The following MTMR2 variants were observed in gnomAD, a reference collection of about 807,000 sequenced individuals.
The protein encoded by MTMR2 is myotubularin related protein 2.
MTMR2 carries 55 observed loss-of-function variants against 86.9 expected under a neutral mutation model. The ratio of observed to expected loss-of-function variants is 0.63; its 90% CI spans 0.51 to 0.79. The LOEUF (loss-of-function observed/expected upper bound fraction) is 0.79. MTMR2 is among the 30% of genes least tolerant of loss of function. MTMR2 has a pLI of 0.00. For missense variants in MTMR2, 659 were observed against 772.3 expected, an observed-to-expected ratio of 0.85 and a Z score of 1.74; for synonymous variants, 241 against 266.8, an observed-to-expected ratio of 0.90 and a Z score of 0.94.
intron 1 of MTMR2, among the ~76,000 whole-genome samples, chr11:95,923,512 G>T (rs879909540): frequency 1.4e-4 from 21 of 151,812 alleles, no homozygotes; most frequent in Admixed American, 2.6e-4. Context: ...TGGAAAAAGT[G>T]ACAGAGAAAG....
intron 2 of MTMR2, among the ~76,000 whole-genome samples, chr11:95,877,845 C>T (rs922247801): frequency 2.0e-5 from 3 of 151,916 alleles, no homozygotes; most frequent in Admixed American, 6.6e-5. Flanking sequence ...TGGCAGGTGC[C>T]AACCCTGCTA....
intron 1 of MTMR2, among the ~76,000 whole-genome samples, chr11:95,906,194 C>T (rs1170643173): frequency 6.6e-6 from 1 of 152,196 alleles, no homozygotes; most frequent in African/African-American, 2.4e-5. Flanking sequence ...CATTACACTC[C>T]AGCCTAGGCA....
intron 10 of MTMR2, among the ~76,000 whole-genome samples, chr11:95,846,531 A>G (rs946010314): frequency 5.3e-5 from 8 of 152,180 alleles, no homozygotes; most frequent in African/African-American, 1.9e-4. Flanking sequence ...GAAAGGTGAT[A>G]TTTGAGCAGA....
chr11:95,884,890 A>G (rs1407851841), intron 2 of MTMR2, among the ~76,000 whole-genome samples: 1 of 152,166 alleles, frequency 6.6e-6, no homozygotes, highest in Non-Finnish European at 1.5e-5. Context: ...TTAACAACAT[A>G]CTACTTTTCT....
At chr11:95,861,225 T>TATA (rs1864408118) in intron 5 of MTMR2, among the ~76,000 whole-genome samples, 1 of 151,250 alleles carries the variant, frequency 6.6e-6, no homozygotes, top group Non-Finnish European at 1.5e-5. Context: ...CATATTTAGT[T>TATA]ATTTAGTTCT....
chr11:95,917,816 TG>T (rs1216490608), intron 1 of MTMR2, among the ~76,000 whole-genome samples: 1 of 152,212 alleles, frequency 6.6e-6, no homozygotes, highest in Non-Finnish European at 1.5e-5. Context: ...TTGGTCTTGC[TG>T]TGTCAGGGGT....
At chr11:95,903,307 T>C (rs1866141973) in intron 1 of MTMR2, among the ~76,000 whole-genome samples, 1 of 152,200 alleles carries the variant, frequency 6.6e-6, no homozygotes, top group Non-Finnish European at 1.5e-5. Context: ...CCAGAGTACC[T>C]ATTTCATGTT....
chr11:95,892,687 C>G (rs1353161583), intron 1 of MTMR2, among the ~76,000 whole-genome samples: 1 of 152,204 alleles, frequency 6.6e-6, no homozygotes, highest in South Asian at 2.1e-4. Flanking sequence ...AGTCAACACT[C>G]TGTCGCATAT....
In MTMR2 at chr11:95,850,650, C is replaced by T. The variant is rs1286776088; in HGVS notation, c.754G>A (p.Asp252Asn). 2 of 1,614,120 alleles carry T rather than the reference C, an allele frequency of 1.2e-6. No individual in the cohort carries two copies. Among genetic ancestry groups the T allele is most frequent in the Non-Finnish European group, 1.7e-6 (2 of 1,179,982 alleles). ...GATGCCACTCTCTTTAATTCTTCAT[C>T]AGGAATATTTGCTGGCACAACCAGG... ...ALLVVPANIPDEELKRVASFR... is the reference protein window; with the variant it reads ...ALLVVPANIPNEELKRVASFR... The change falls in exon 8 of 15, where the codon GAT becomes AAT. Residue 252 changes from aspartate (D) to asparagine (N), a missense_variant. Around this residue, in one of 3 missense-constraint regions of MTMR2, gnomAD observed 387 missense variants for 526.3 expected, o/e 0.74. Transcript: ENST00000346299.
rs1318668715 is a variant in MTMR2, at chr11:95,860,095, C to T, written c.469-1463G>A. 2.0e-5 allele frequency among the ~76,000 whole-genome samples: 3 copies of T among 152,110 alleles called. No individual in the cohort carries two copies. The East Asian group carries it at 5.8e-4, about 29-fold the overall frequency. ...GATTCAAAATTATCTTCTTTCACAT[C>T]GTCTTATATTCTATGCACTACTTAC... On this transcript the variant is annotated intron_variant, in intron 5 of 14. Transcript: ENST00000346299.
At chr11:95,885,068 G>A (rs1234740156) in intron 2 of MTMR2, among the ~76,000 whole-genome samples, 1 of 151,952 alleles carries the variant, frequency 6.6e-6, no homozygotes, top group Admixed American at 6.6e-5. Flanking sequence ...AGGCACTAAT[G>A]GGGATACATT....
At chr11:95,836,345 T>C in intron 13 of MTMR2, 21 bp from the exon 14 acceptor site, 1 of 1,584,072 alleles carries the variant, frequency 6.3e-7, no homozygotes, top group Non-Finnish European at 8.6e-7. Flanking sequence ...GAAAAATAGG[T>C]AAAGATTCTC....
At chr11:95,901,482 T>C (rs1006871653) in intron 1 of MTMR2, among the ~76,000 whole-genome samples, 7 of 152,198 alleles carry the variant, frequency 4.6e-5, no homozygotes, top group African/African-American at 1.7e-4. Context: ...ATTTCTGAGA[T>C]CATTCTAGTG....
intron 1 of MTMR2, among the ~76,000 whole-genome samples, chr11:95,896,902 TAAA>T (rs777931000): frequency 7.7e-6 from 1 of 129,878 alleles, no homozygotes; most frequent in Non-Finnish European, 1.7e-5. Flanking sequence ...TGACAATCTT[TAAA>T]AAAAAAAAAA....
In MTMR2 at chr11:95,862,310, C is replaced by G. The variant is rs1439299849; in HGVS notation, c.319G>C (p.Val107Leu). Residue 107 changes from valine (V) to leucine (L), a missense_variant, in exon 4 of 15, where the codon GTC becomes CTC. Val to Leu is a conservative substitution (Grantham distance 32). Transcript: ENST00000346299. ...TTGAAATATAACCTATAATTCGTGA[C>G]AGTCAGAGTTCCTCGTACAGCGCCA... Reference protein sequence around the residue: ...FTGAVRGTLTVTNYRLYFKSM... With the variant: ...FTGAVRGTLTLTNYRLYFKSM... 1.2e-6 allele frequency: 2 copies of G among 1,614,086 alleles called. No individual in the cohort carries two copies. Among genetic ancestry groups the G allele is most frequent in the East Asian group, 2.2e-5 (1 of 44,868 alleles).
chr11:95,867,812 C>A (rs1864671492), intron 2 of MTMR2, among the ~76,000 whole-genome samples: 3 of 101,808 alleles, frequency 2.9e-5, no homozygotes, highest in African/African-American at 4.8e-5. Flanking sequence ...AAAAAAAAGG[C>A]CTAGAAAAAA....
intron 1 of MTMR2, among the ~76,000 whole-genome samples, chr11:95,907,015 A>C (rs932601487): frequency 2.6e-5 from 4 of 152,184 alleles, no homozygotes; most frequent in African/African-American, 9.7e-5. Flanking sequence ...AACCAAAATC[A>C]GAGCTGAACT....
intron 5 of MTMR2, 62 bp from the exon 6 acceptor site, chr11:95,858,694 G>C: frequency 9.2e-7 from 1 of 1,088,276 alleles, no homozygotes; most frequent in Non-Finnish European, 1.4e-6. Context: ...GAATAAATAA[G>C]GTTACTTGGA....
At chr11:95,900,812 G>T (rs934605590) in intron 1 of MTMR2, among the ~76,000 whole-genome samples, 2 of 152,164 alleles carry the variant, frequency 1.3e-5, no homozygotes, top group Non-Finnish European at 2.9e-5. Context: ...GAATCTACAT[G>T]AGAATCATTA....
Sources: gnomAD v4.1 joint callset for allele counts (sites outside exome capture counted in the v4.1 genomes callset) on GRCh38, gnomAD v4.1.1 for gene constraint, gnomAD v4.1.1 regional missense constraint, MANE v1.5 for transcripts, NCBI Gene and HGNC (gene_info 2026-07-23, HGNC 2026-07-21) for gene names.